MGA: variants seen among roughly 807,000 people sequenced by gnomAD.
MGA encodes MAX dimerization protein MGA, also known as MAX gene-associated protein.
MGA carries 40 observed loss-of-function variants against 261.1 expected under a neutral mutation model. The observed-to-expected ratio is 0.15, with a 90% CI of 0.12 to 0.20. The LOEUF (loss-of-function observed/expected upper bound fraction) is 0.20. Ranked by LOEUF, MGA falls within the 10% of genes least tolerant of loss-of-function variation. The pLI is 1.00. For missense variants in MGA, 3,397 were observed against 3,630.5 expected (o/e 0.94, Z 1.65); for synonymous variants, 1,302 against 1,290.6 (o/e 1.01, Z -0.19).
intron 3 of MGA, among the ~76,000 whole-genome samples, chr15:41,698,462 G>T (rs553184146): frequency 3.2e-4 from 49 of 152,276 alleles, no homozygotes; most frequent in African/African-American, 1.1e-3. Flanking sequence ...ACTGTGCCAG[G>T]CTGTCTTTCT....
intron 20 of MGA, 24 bp downstream of exon 20, chr15:41,760,553 G>T: frequency 6.2e-7 from 1 of 1,606,862 alleles, no homozygotes; most frequent in South Asian, 1.1e-5. Flanking sequence ...GTAAATGACA[G>T]TAAGAGCTTG....
At chr15:41,637,424 T>C (rs1162096127) in intron 1 of MGA, among the ~76,000 whole-genome samples, 1 of 152,222 alleles carries the variant, frequency 6.6e-6, no homozygotes, top group Admixed American at 6.5e-5. Context: ...TATTACTTGA[T>C]CTCATAGAGG....
At chr15:41,672,733 G>A (rs988785071) in intron 2 of MGA, among the ~76,000 whole-genome samples, 18 of 152,124 alleles carry the variant, frequency 1.2e-4, no homozygotes, top group Non-Finnish European at 2.5e-4. Flanking sequence ...GCCTATTTTA[G>A]TATGTATACA....
At chr15:41,648,116 C>T (rs1271381021) in intron 1 of MGA, among the ~76,000 whole-genome samples, 1 of 152,218 alleles carries the variant, frequency 6.6e-6, no homozygotes, top group Non-Finnish European at 1.5e-5. Flanking sequence ...CAAATTCATT[C>T]TGCAAATATG....
At chr15:41,684,616 C>T (rs2058850519) in intron 2 of MGA, 1 of 224,850 alleles carries the variant, frequency 4.4e-6, no homozygotes, top group African/African-American at 2.3e-5. Flanking sequence ...GATCTAGCCT[C>T]AGAGGTTTCC....
chr15:41,656,011 A>G (rs2057160285), upstream of MGA, among the ~76,000 whole-genome samples: 1 of 152,174 alleles, frequency 6.6e-6, no homozygotes, highest in Non-Finnish European at 1.5e-5. Context: ...AGGCATTGTG[A>G]TCAGCACTGG....
chr15:41,638,854 G>A lies in MGA; in HGVS notation c.-68+17556G>A, dbSNP rs551798908. 5.9e-5 allele frequency among the ~76,000 whole-genome samples: 9 copies of A among 151,664 alleles called. No homozygotes were observed. In the South Asian group the frequency reaches 6.3e-4, roughly 11 times the overall value. ...TACAGGCGCGTGCCACCATGCCTGCGCCACCATGCCTGCTAATTTTTTGTT... is the reference window on the plus strand; with the variant it reads ...TACAGGCGCGTGCCACCATGCCTGCACCACCATGCCTGCTAATTTTTTGTT... On this transcript the variant is annotated intron_variant, in intron 1 of 8. Coordinates refer to the MGA transcript ENST00000566718.
Position 41,711,348 on chromosome 15 carries a change from A to G in MGA, c.3083A>G (p.Gln1028Arg). 1 of 1,581,200 alleles carries G rather than the reference A, an allele frequency of 6.3e-7. No individual in the cohort carries two copies. Among genetic ancestry groups the G allele is most frequent in the Non-Finnish European group, 8.6e-7 (1 of 1,162,012 alleles). Residue 1028 changes from glutamine to arginine, a missense_variant and splice_region_variant, in exon 8 of 24, where the codon CAA (glutamine) becomes CGA (arginine). Physicochemically the swap from Gln to Arg is conservative, Grantham distance 43. Around this residue, in one of 9 missense-constraint regions of MGA, gnomAD observed 519 missense variants for 554.1 expected, o/e 0.94. Transcript: ENST00000219905. ...TCCTTAACAACTCTACTTACAGCTC[A>G]AGTAAGTAGCTGCTGTTTTCTGGAG...
At chr15:41,762,464 T>G (rs895582118) in intron 22 of MGA, 102 bp downstream of exon 22, 6 of 195,670 alleles carry the variant, frequency 3.1e-5, no homozygotes, top group South Asian at 9.9e-5. Context: ...TTGTGTGGTT[T>G]TTTTTTTTTT....
At chr15:41,705,301 T>A (rs993320590) in intron 5 of MGA, among the ~76,000 whole-genome samples, 2 of 152,080 alleles carry the variant, frequency 1.3e-5, no homozygotes, top group African/African-American at 4.8e-5. Flanking sequence ...TAGGGACTTA[T>A]TTACCCTATG....
intron 2 of MGA, among the ~76,000 whole-genome samples, chr15:41,673,219 C>CT (rs886069189): frequency 7.9e-5 from 12 of 151,002 alleles, no homozygotes; most frequent in East Asian, 1.9e-4. Flanking sequence ...TTCTTTCTTT[C>CT]TTTTTTTTTC....
chr15:41,623,955 G>T (rs534149460), intron 1 of MGA, among the ~76,000 whole-genome samples: 1 of 151,448 alleles, frequency 6.6e-6, no homozygotes, highest in South Asian at 2.1e-4. Context: ...TAGTTGAGGC[G>T]GGGTTTCACC....
intron 9 of MGA, among the ~76,000 whole-genome samples, chr15:41,720,288 C>T (rs1371295594): frequency 6.6e-6 from 1 of 152,128 alleles, no homozygotes; most frequent in East Asian, 1.9e-4. Flanking sequence ...GTCATCCCAG[C>T]ACTTTGTGGG....
chr15:41,749,145 C>T lies in MGA; in HGVS notation c.5538C>T (p.Ser1846=). 1 of 1,613,852 alleles carries T rather than the reference C, an allele frequency of 6.2e-7. No individual in the cohort carries two copies. Among genetic ancestry groups the T allele is most frequent in the East Asian group, 2.2e-5 (1 of 44,880 alleles). ...TGGGAATCCGGTTACCTGCTCCTTC[C>T]AAACCCTCTGAGACTCCGCCATCTT... Residue 1846 remains serine (S), a synonymous_variant, in exon 17 of 24, where the codon TCC becomes TCT. Coordinates refer to ENST00000219905, the MANE Select transcript of MGA (RefSeq NM_001164273.2).
At chr15:41,759,438 A>ATGTGTG (rs58952352) in intron 19 of MGA, among the ~76,000 whole-genome samples, 36 of 134,840 alleles carry the variant, frequency 2.7e-4, no homozygotes, top group African/African-American at 7.9e-4. Flanking sequence ...GCTTCTTAAT[A>ATGTGTG]TGTGTGTGTG....
In MGA at chr15:41,754,555, C is replaced by A; in HGVS notation, c.7127C>A (p.Ser2376Ter). 1 of 1,577,748 alleles carries A rather than the reference C, an allele frequency of 6.3e-7. No individual in the cohort carries two copies. Among genetic ancestry groups the A allele is most frequent in the South Asian group, 1.2e-5 (1 of 85,038 alleles). ...AAGACCACAGCGGCCCACACACAGT[C>A]ATTCAAACAGCCGTAAGTCTTATTT... Residue 2376 changes from serine to a stop codon, truncating the protein, a stop_gained, in exon 18 of 24, where the codon TCA becomes TAA. Coordinates refer to ENST00000219905, the MANE Select transcript of MGA (RefSeq NM_001164273.2). LOFTEE classifies it high-confidence loss of function.
Position 41,750,141 on chromosome 15 carries a change from G to A in MGA, c.6534G>A (p.Leu2178=). Residue 2178 remains leucine (L), a synonymous_variant, in exon 17 of 24, where the codon CTG becomes CTA. Coordinates refer to ENST00000219905, the MANE Select transcript of MGA (RefSeq NM_001164273.2). ...ACAGGGAAAGATGGAGAAAACATCT[G>A]AAGGGCCCCTTAACCAGGAAATGTG... is the stretch of plus-strand genomic sequence containing the variant. 6.2e-7 allele frequency: 1 copy of A among 1,613,946 alleles called. No individual in the cohort carries two copies. Among genetic ancestry groups the A allele is most frequent in the Non-Finnish European group, 8.5e-7 (1 of 1,179,880 alleles).
chr15:41,694,271 C>G (rs992877107), intron 2 of MGA, among the ~76,000 whole-genome samples: 3 of 151,838 alleles, frequency 2.0e-5, no homozygotes, highest in Non-Finnish European at 4.4e-5. Flanking sequence ...CAAAAATTAG[C>G]CGGGCGTGTT....
rs1473325397 is a variant in MGA, at chr15:41,750,138, T to A, written c.6531T>A (p.His2177Gln). 1.2e-6 allele frequency: 2 copies of A among 1,613,666 alleles called. No individual in the cohort carries two copies. The highest frequency in any genetic ancestry group is 2.7e-5 in the African/African-American group (2 of 74,868). ...AAGACAGGGAAAGATGGAGAAAACA[T>A]CTGAAGGGCCCCTTAACCAGGAAAT... Residue 2177 changes from histidine (H) to glutamine (Q), a missense_variant, in exon 17 of 24, where the codon CAT (histidine) becomes CAA (glutamine). His to Gln is a conservative substitution (Grantham distance 24). Around this residue, in one of 9 missense-constraint regions of MGA, gnomAD observed 1,410 missense variants for 1,386.4 expected, o/e 1.02. Coordinates refer to ENST00000219905, the MANE Select transcript of MGA (RefSeq NM_001164273.2).
Sources: gnomAD v4.1 joint callset for allele counts (sites outside exome capture counted in the v4.1 genomes callset) on GRCh38, gnomAD v4.1.1 for gene constraint, gnomAD v4.1.1 regional missense constraint, MANE v1.5 for transcripts, NCBI Gene and HGNC (gene_info 2026-07-23, HGNC 2026-07-21) for gene names.